The following RELL1 variants were observed in gnomAD, a reference collection of about 807,000 sequenced individuals.
The protein encoded by RELL1 is RELT-like protein 1.
Under a neutral mutation model 23.0 loss-of-function variants are expected in RELL1, and 10 were observed. That is an observed-to-expected ratio of 0.43 (90% CI 0.27 to 0.74). RELL1 has a LOEUF of 0.74. Among genes scored for constraint, RELL1 ranks in the 30% least tolerant of loss-of-function variants. The pLI is 0.19. For synonymous variants in RELL1, 146 were observed against 146.8 expected, an observed-to-expected ratio of 0.99 and a Z score of 0.04; for missense variants, 315 against 364.4, an observed-to-expected ratio of 0.86 and a Z score of 1.10.
rs184536612 is a variant in RELL1 at position 37,660,892 on chromosome 4, A to G, written c.89-11392T>C. Among the ~76,000 whole-genome samples the G allele has an allele frequency of 3.3e-3, 501 of 152,140 alleles. 4 individuals are homozygous for G. Among genetic ancestry groups the G allele is most frequent in the African/African-American group, 0.011 (440 of 41,528 alleles). On this transcript the variant is annotated intron_variant, in intron 1 of 6. Coordinates refer to ENST00000454158, the MANE Select transcript of RELL1 (RefSeq NM_001085400.2). The stretch of plus-strand genomic sequence containing the variant: ...TAAAAATATAACAGATTAGCCAGGC[A>G]TGGTGGCGGGCGCCTGTTGTCCCAG...
At chr4:37,657,780 T>TGC in intron 1 of RELL1, among the ~76,000 whole-genome samples, 1 of 152,168 alleles carries the variant, frequency 6.6e-6, no homozygotes, top group Admixed American at 6.5e-5. Context: ...GGAGTGCTTG[T>TGC]GCACACCTGT....
chr4:37,632,084 G>GAA (rs1183120605), intron 5 of RELL1, among the ~76,000 whole-genome samples: 7,848 of 44,272 alleles, frequency 0.18, 1,056 homozygotes, highest in East Asian at 0.58. Context: ...TCTCAATAAG[G>GAA]AAAAAAAAAA....
intron 6 of RELL1, among the ~76,000 whole-genome samples, chr4:37,614,766 T>TA (rs928229707): frequency 5.9e-5 from 9 of 152,066 alleles, no homozygotes; most frequent in African/African-American, 2.2e-4. Flanking sequence ...ATTCCACTGT[T>TA]TTTATGTCTC....
At chr4:37,618,872 CTT>C (rs1289889496) in intron 6 of RELL1, among the ~76,000 whole-genome samples, 1 of 149,560 alleles carries the variant, frequency 6.7e-6, no homozygotes, top group African/African-American at 2.5e-5. Flanking sequence ...GGTCGTTTTT[CTT>C]TTCTTTTCTT....
At chr4:37,655,736 G>A (rs972010756) in intron 1 of RELL1, among the ~76,000 whole-genome samples, 1 of 152,220 alleles carries the variant, frequency 6.6e-6, no homozygotes, top group Non-Finnish European at 1.5e-5. Flanking sequence ...GAGGTAAGCA[G>A]GTGACATCCA....
At position 37,642,897 on chromosome 4, in the gene RELL1, C is replaced by T. The variant is rs1268232912; in HGVS notation, c.386-4393G>A. Among the ~76,000 whole-genome samples the T allele has an allele frequency of 3.9e-5, 6 of 152,376 alleles. No homozygotes were observed. In the East Asian group the frequency reaches 9.6e-4, roughly 24 times the overall value. ...AGGTGCAGGTGCCGGGAGGGTGGCGCACCCAGAGAGGGCAGGAAAGCTCTG... is the reference window on the plus strand; with the variant it reads ...AGGTGCAGGTGCCGGGAGGGTGGCGTACCCAGAGAGGGCAGGAAAGCTCTG... On this transcript the variant is annotated intron_variant, in intron 3 of 6. Coordinates refer to ENST00000454158, the MANE Select transcript of RELL1 (RefSeq NM_001085400.2).
chr4:37,606,750 G>A (rs1034115686), downstream of RELL1, among the ~76,000 whole-genome samples: 12 of 152,222 alleles, frequency 7.9e-5, no homozygotes, highest in Non-Finnish European at 7.3e-5. This position sits in a 1 kb window ranked among gnomAD's most constrained non-coding sequence, Gnocchi z 4.1. Context: ...GGGCACCCAG[G>A]TTTTGGTAAT....
At chr4:37,683,471 T>C (rs1384634235) in intron 1 of RELL1, among the ~76,000 whole-genome samples, 2 of 152,188 alleles carry the variant, frequency 1.3e-5, no homozygotes, top group African/African-American at 4.8e-5. Flanking sequence ...AAAATGCCTA[T>C]GAAGGCTGGG....
At chr4:37,605,155 G>C (rs1719156352) in intron 6 of RELL1, among the ~76,000 whole-genome samples, 1 of 152,196 alleles carries the variant, frequency 6.6e-6, no homozygotes, top group African/African-American at 2.4e-5. Flanking sequence ...TATGGAGCAA[G>C]CCTGGAGTCA....
chr4:37,587,043 C>T (rs528044668), downstream of RELL1, among the ~76,000 whole-genome samples: 2 of 152,186 alleles, frequency 1.3e-5, no homozygotes, highest in Admixed American at 6.5e-5. Context: ...ACCGGGGCCA[C>T]ACTCTTTCCA....
chr4:37,621,170 A>G (rs981736551), intron 6 of RELL1, among the ~76,000 whole-genome samples: 15 of 152,130 alleles, frequency 9.9e-5, no homozygotes, highest in Non-Finnish European at 1.9e-4. Context: ...AAATTAAGAA[A>G]AATCGGCCAG....
At chr4:37,606,165 GA>G (rs897154343), downstream of RELL1, among the ~76,000 whole-genome samples, 19 of 135,334 alleles carry the variant, frequency 1.4e-4, no homozygotes, top group East Asian at 1.7e-3. The surrounding 1 kb of genome is among the most constrained non-coding windows in gnomAD (Gnocchi z 4.1). Flanking sequence ...AGAAAAGAAA[GA>G]AAAAAAGGAG....
At chr4:37,658,347 C>T (rs951265595) in intron 1 of RELL1, among the ~76,000 whole-genome samples, 1 of 152,124 alleles carries the variant, frequency 6.6e-6, no homozygotes, top group Non-Finnish European at 1.5e-5. Context: ...GGTGAGATGG[C>T]TCCAGAATCG....
chr4:37,603,477 T>G (rs1719070737), intron 6 of RELL1, among the ~76,000 whole-genome samples: 1 of 151,968 alleles, frequency 6.6e-6, no homozygotes, highest in Non-Finnish European at 1.5e-5. Flanking sequence ...AAGTCAAACC[T>G]CAGATACAAA....
intron 1 of RELL1, among the ~76,000 whole-genome samples, chr4:37,657,763 A>G (rs1259167611): frequency 6.6e-6 from 1 of 152,060 alleles, no homozygotes; most frequent in African/African-American, 2.4e-5. Flanking sequence ...AAAAAATAAG[A>G]TAGCTAGGAG....
At chr4:37,614,673 T>TAA (rs781450757) in intron 6 of RELL1, among the ~76,000 whole-genome samples, 2 of 127,612 alleles carry the variant, frequency 1.6e-5, no homozygotes, top group African/African-American at 2.9e-5. Context: ...AAAATGGCCC[T>TAA]AAAAAAAAAA....
chr4:37,615,632 T>A (rs1719550390), intron 6 of RELL1, among the ~76,000 whole-genome samples: 1 of 152,102 alleles, frequency 6.6e-6, no homozygotes, highest in Non-Finnish European at 1.5e-5. Context: ...CTGGCCTATC[T>A]CTCTTCGGGA....
In RELL1 at chr4:37,631,472, G is replaced by A; in HGVS notation, c.732C>T (p.Ser244=). 6.2e-7 allele frequency: 1 copy of A among 1,614,076 alleles called. No homozygotes were observed. Among genetic ancestry groups the A allele is most frequent in the African/African-American group, 1.3e-5 (1 of 74,998 alleles). ...TTTCAGCCCCACTAACAGACATCAG[G>A]CTTCTCCGTTCCTTCTGGTTTGACT... ...EHKSNQKERR[S]LMSVSGAETV... is the part of the protein sequence containing the mutation. Residue 244 remains serine, a synonymous_variant, in exon 6 of 7, where the codon AGC becomes AGT. Transcript: ENST00000454158.
intron 2 of RELL1, 95 bp downstream of exon 2, chr4:37,649,179 GAT>G: frequency 1.0e-6 from 1 of 999,120 alleles, no homozygotes. Context: ...CACTAAAATG[GAT>G]CATTCTGCCT....
Sources: allele counts gnomAD v4.1 joint callset (sites outside exome capture counted in the v4.1 genomes callset), GRCh38; gene constraint gnomAD v4.1.1; non-coding constraint Gnocchi (gnomAD v3.1); transcripts MANE v1.5; gene names NCBI Gene and HGNC (gene_info 2026-07-23, HGNC 2026-07-21).